Variants in FGF2 observed in about 807,000 individuals in gnomAD.
FGF2 encodes the protein basic fibroblast growth factor bFGF.
A neutral mutation model predicts 15.9 loss-of-function variants in FGF2; 13 were observed. That is an observed-to-expected ratio of 0.82 (90% CI 0.53 to 1.30). The LOEUF (loss-of-function observed/expected upper bound fraction) is 1.30, where lower values mean the gene tolerates loss of function less well. Among genes scored for constraint, FGF2 ranks in the 50% most tolerant of loss-of-function variants. FGF2 has a pLI of 0.00. For synonymous variants in FGF2, 90 were observed against 78.4 expected, an observed-to-expected ratio of 1.15 and a Z score of -0.78; for missense variants, 163 against 196.9, an observed-to-expected ratio of 0.83 and a Z score of 1.03.
At chr4:122,862,418 G>C (rs1225784861) in intron 1 of FGF2, among the ~76,000 whole-genome samples, 2 of 152,128 alleles carry the variant, frequency 1.3e-5, no homozygotes, top group Non-Finnish European at 1.5e-5. Context: ...TCCAAAATAG[G>C]AGTTCCAAAA....
chr4:122,869,889 G>A (rs1415165790), intron 1 of FGF2, among the ~76,000 whole-genome samples: 1 of 152,212 alleles, frequency 6.6e-6, no homozygotes, highest in African/African-American at 2.4e-5. Context: ...TAGGAGTGGT[G>A]AGAGAGGCAT....
intron 1 of FGF2, among the ~76,000 whole-genome samples, chr4:122,874,143 T>C (rs1726792330): frequency 6.6e-6 from 1 of 152,378 alleles, no homozygotes; most frequent in East Asian, 1.9e-4. Flanking sequence ...TGTACATCCT[T>C]ATGAGTTAAA....
At chr4:122,840,356 G>T (rs1002114565) in intron 1 of FGF2, 2 of 152,262 alleles carry the variant, frequency 1.3e-5, no homozygotes, top group African/African-American at 2.4e-5. Context: ...CAAAAGAAAA[G>T]AAGGAATAAT....
intron 1 of FGF2, among the ~76,000 whole-genome samples, chr4:122,856,936 A>G (rs1726354344): frequency 6.6e-6 from 1 of 152,182 alleles, no homozygotes; most frequent in African/African-American, 2.4e-5. Context: ...ACATTTCTCC[A>G]ACAGCTGGCC....
intron 1 of FGF2, among the ~76,000 whole-genome samples, chr4:122,868,120 T>C (rs1199726453): frequency 6.6e-6 from 1 of 152,182 alleles, no homozygotes; most frequent in Non-Finnish European, 1.5e-5. Context: ...ATTATTGATA[T>C]GGTTAGTTTA....
chr4:122,888,418 C>T (rs1727102020), intron 2 of FGF2, among the ~76,000 whole-genome samples: 1 of 152,180 alleles, frequency 6.6e-6, no homozygotes, highest in Admixed American at 6.6e-5. Flanking sequence ...GATGTCAGAT[C>T]ATGTTATTTT....
At chr4:122,826,736 G>C (rs758732822), upstream of FGF2, 3 of 1,263,870 alleles carry the variant, frequency 2.4e-6, no homozygotes, top group East Asian at 9.4e-5. Flanking sequence ...GCGAGTAGGG[G>C]GCGGCGCGCA....
Position 122,892,515 on chromosome 4 carries a change from A to G in FGF2, c.*119A>G, listed in dbSNP as rs1727214234. On this transcript the variant is annotated 3_prime_UTR_variant, in exon 3 of 3. Transcript: ENST00000644866. Reference sequence around the variant, plus strand: ...CTCAGTTTGGATAATTGGTCAAACAATTTTTTATCCAGTAGTAAAATATGT... The same window carrying G: ...CTCAGTTTGGATAATTGGTCAAACAGTTTTTTATCCAGTAGTAAAATATGT... 21 of 1,533,542 alleles carry G rather than the reference A, an allele frequency of 1.4e-5. No individual in the cohort carries two copies. Among genetic ancestry groups the G allele is most frequent in the Non-Finnish European group, 2.6e-6 (3 of 1,142,438 alleles). 95.0% of individuals were successfully genotyped at this position (1,533,542 alleles called of 1,614,324 possible). A position where few individuals can be genotyped will look rare whatever the true frequency, so the allele number is the denominator to read the frequency against.
chr4:122,886,546 C>T (rs961232735), intron 2 of FGF2, among the ~76,000 whole-genome samples: 2 of 152,032 alleles, frequency 1.3e-5, no homozygotes, highest in African/African-American at 4.8e-5. Flanking sequence ...GTTCATTTTC[C>T]TCCATTTATT....
chr4:122,839,023 C>CAGTA (rs1167488512), intron 1 of FGF2, among the ~76,000 whole-genome samples: 2 of 152,154 alleles, frequency 1.3e-5, no homozygotes, highest in Non-Finnish European at 2.9e-5. Flanking sequence ...GTATTCAGTA[C>CAGTA]AGTAATGTGC....
chr4:122,892,986 T>A lies in FGF2; in HGVS notation c.*590T>A. On this transcript the variant is annotated 3_prime_UTR_variant, in exon 3 of 3. Coordinates refer to ENST00000644866, the MANE Select transcript of FGF2 (RefSeq NM_001361665.2). ...TACAGCAGCAGCCTAGCAACTCTGC[T>A]GGTGATGGGAGTTGTATTTTCAGTC... 1 of 1,614,204 alleles carries A rather than the reference T, an allele frequency of 6.2e-7. No homozygotes were observed. The highest frequency in any genetic ancestry group is 8.5e-7 in the Non-Finnish European group (1 of 1,180,038).
In FGF2 at chr4:122,892,556, A is replaced by T. The variant is rs968361878; in HGVS notation, c.*160A>T. ...TAAAATATGTAACCATTGTCCCAGT[A>T]AAGAAAAATAACAAAAGTTGTAAAA... On this transcript the variant is annotated 3_prime_UTR_variant, in exon 3 of 3. Coordinates refer to ENST00000644866, the MANE Select transcript of FGF2 (RefSeq NM_001361665.2). The T allele has an allele frequency of 1.6e-5, 23 of 1,459,710 alleles. No homozygotes were observed. Among genetic ancestry groups the T allele is most frequent in the Non-Finnish European group, 2.1e-5 (23 of 1,110,714 alleles). The allele number at this position is 1,459,710 out of a possible 1,614,324, so 90.4% of individuals were successfully genotyped here.
chr4:122,831,595 G>C (rs1227382483), intron 1 of FGF2, among the ~76,000 whole-genome samples: 1 of 152,164 alleles, frequency 6.6e-6, no homozygotes, highest in African/African-American at 2.4e-5. Flanking sequence ...GAATCTAATA[G>C]CTCATTTAAT....
At chr4:122,847,872 C>A (rs75577484) in intron 1 of FGF2, among the ~76,000 whole-genome samples, 4 of 152,118 alleles carry the variant, frequency 2.6e-5, no homozygotes, top group Non-Finnish European at 5.9e-5. Context: ...TTGATGTGGG[C>A]CCCCCACAAT....
At chr4:122,887,918 A>C (rs1415174675) in intron 2 of FGF2, among the ~76,000 whole-genome samples, 1 of 151,812 alleles carries the variant, frequency 6.6e-6, no homozygotes, top group East Asian at 1.9e-4. Flanking sequence ...TGGTATTCCA[A>C]ATAAATTAGT....
In FGF2 at chr4:122,827,597, C is replaced by T. The variant is rs573090193; in HGVS notation, c.178+245C>T. Among the ~76,000 whole-genome samples, 2 of 152,120 alleles carry T rather than the reference C, an allele frequency of 1.3e-5. No individual in the cohort carries two copies. The highest frequency in any genetic ancestry group is 4.2e-4 in the South Asian group (2 of 4,814). ...CAATTTGCCCTGTAAACCAGTACCC[C>T]CGGCCCGGAGCCGCGGCGCGCCGGG... On this transcript the variant is annotated intron_variant, in intron 1 of 2. Transcript: ENST00000644866. This position sits in a 1 kb window ranked among gnomAD's most constrained non-coding sequence, Gnocchi z 4.2.
chr4:122,842,907 A>G (rs1266887247), intron 1 of FGF2, among the ~76,000 whole-genome samples: 1 of 152,186 alleles, frequency 6.6e-6, no homozygotes, highest in Non-Finnish European at 1.5e-5. Context: ...TTTGTAACTC[A>G]CCTTAAATAT....
chr4:122,829,021 T>C (rs1725706749), intron 1 of FGF2, among the ~76,000 whole-genome samples: 1 of 149,682 alleles, frequency 6.7e-6, no homozygotes, highest in African/African-American at 2.5e-5. Context: ...TTAAATTAAA[T>C]TAATATTTGG....
intron 2 of FGF2, among the ~76,000 whole-genome samples, chr4:122,886,794 C>A (rs549483179): frequency 4.2e-4 from 64 of 152,036 alleles, no homozygotes; most frequent in African/African-American, 1.5e-3. Context: ...TTGTATATTC[C>A]CTACTCCACC....
Sources: allele counts gnomAD v4.1 joint callset (sites outside exome capture counted in the v4.1 genomes callset), GRCh38; gene constraint gnomAD v4.1.1; non-coding constraint Gnocchi (gnomAD v3.1); transcripts MANE v1.5; gene names NCBI Gene and HGNC (gene_info 2026-07-23, HGNC 2026-07-21).